The following BMX variants were observed in gnomAD, a reference collection of about 807,000 sequenced individuals.
BMX encodes cytoplasmic tyrosine-protein kinase BMX.
A neutral mutation model predicts 59.2 loss-of-function variants in BMX; 31 were observed. The ratio of observed to expected loss-of-function variants is 0.52; its 90% CI spans 0.39 to 0.71. BMX has a LOEUF of 0.71. BMX is among the 30% of genes least tolerant of loss of function. The pLI, the probability that BMX is intolerant of heterozygous loss-of-function variation, is 0.00. For synonymous variants in BMX, 185 were observed against 181.0 expected, an observed-to-expected ratio of 1.02 and a Z score of -0.18; for missense variants, 474 against 491.7, an observed-to-expected ratio of 0.96 and a Z score of 0.34.
At chrX:15,548,493 T>C (rs1490915235) in intron 17 of BMX, among the ~76,000 whole-genome samples, 1 of 111,869 alleles carries the variant, frequency 8.9e-6, no homozygotes, top group African/African-American at 3.3e-5. Context: ...CATGCATCAA[T>C]TATAAGTGAT....
intron 2 of BMX, among the ~76,000 whole-genome samples, chrX:15,508,855 G>T (rs1042716682): frequency 2.7e-5 from 3 of 111,635 alleles, no homozygotes; most frequent in African/African-American, 9.8e-5. Flanking sequence ...CAAGAATGCA[G>T]CTAACCATCC....
chrX:15,549,817 G>C, intron 17 of BMX, 23 bp from the exon 18 acceptor site: 3 of 1,182,153 alleles, frequency 2.5e-6, no homozygotes, highest in Non-Finnish European at 3.4e-6. Flanking sequence ...TTTTTATCTG[G>C]GCCACCTCTT....
intron 4 of BMX, among the ~76,000 whole-genome samples, chrX:15,514,620 A>G (rs960971421): frequency 1.8e-5 from 2 of 112,291 alleles, no homozygotes; most frequent in Non-Finnish European, 3.8e-5. Context: ...CTTAAAATAT[A>G]CTAAGATCTT....
Position 15,537,260 on chromosome X carries a change from G to T in BMX, c.1349G>T (p.Gly450Val). The T allele has an allele frequency of 8.3e-7, 1 of 1,209,491 alleles. No individual in the cohort carries two copies. Among genetic ancestry groups the T allele is most frequent in the Non-Finnish European group, 1.1e-6 (1 of 894,783 alleles). Residue 450 changes from glycine to valine, a missense_variant, in exon 14 of 19, where the codon GGC (glycine) becomes GTC (valine). Gly to Val is a moderately radical substitution (Grantham distance 109, BLOSUM62 -3). Transcript: ENST00000348343. ...YDVAVKMIKE[G>V]SMSEDEFFQE... The stretch of plus-strand genomic sequence containing the variant: ...GTTGCTGTTAAGATGATCAAGGAGG[G>T]CTCCATGTCAGAAGATGAATTCTTT...
chrX:15,516,355 A>C, intron 5 of BMX, 124 bp downstream of exon 5: 1 of 926,295 alleles, frequency 1.1e-6, no homozygotes, highest in Non-Finnish European at 1.5e-6. Flanking sequence ...GCATCATGAA[A>C]ATTCAGCCTT....
chrX:15,556,011 T>C (rs1433995927), intron 18 of BMX, 62 bp from the exon 19 acceptor site: 1 of 1,042,289 alleles, frequency 9.6e-7, no homozygotes, highest in African/African-American at 1.9e-5. Context: ...ATTTTATATA[T>C]TTTATCATTG....
chrX:15,536,662 C>T (rs112060559), intron 13 of BMX, among the ~76,000 whole-genome samples: 1,401 of 110,563 alleles, frequency 0.013, 17 homozygotes, highest in African/African-American at 0.044. Context: ...TTATCAGACC[C>T]CATTATTAGC....
intron 12 of BMX, among the ~76,000 whole-genome samples, chrX:15,535,649 C>T (rs1374002896): frequency 9.0e-6 from 1 of 110,871 alleles, no homozygotes; most frequent in Non-Finnish European, 1.9e-5. Flanking sequence ...CTAATTTTTA[C>T]ATTTTAATTA....
At chrX:15,554,354 T>C (rs1323714894) in intron 18 of BMX, among the ~76,000 whole-genome samples, 1 of 111,892 alleles carries the variant, frequency 8.9e-6, no homozygotes, top group East Asian at 2.8e-4. Context: ...TATATATATC[T>C]TTCATTATGA....
At chrX:15,527,247 A>C (rs868258250) in intron 9 of BMX, among the ~76,000 whole-genome samples, 88 of 56,326 alleles carry the variant, frequency 1.6e-3, no homozygotes, top group Non-Finnish European at 2.2e-3. Flanking sequence ...CACACACACA[A>C]ATATATATAT....
At chrX:15,552,711 C>A (rs1926254283) in intron 18 of BMX, among the ~76,000 whole-genome samples, 2 of 112,089 alleles carry the variant, frequency 1.8e-5, no homozygotes, top group Non-Finnish European at 3.8e-5. Flanking sequence ...CTGGTAGGAG[C>A]TATGGTTTAA....
intron 6 of BMX, among the ~76,000 whole-genome samples, chrX:15,521,982 C>A (rs1924478183): frequency 9.0e-6 from 1 of 111,491 alleles, no homozygotes; most frequent in Non-Finnish European, 1.9e-5. Context: ...TAAAATAATT[C>A]TGCTATGAAC....
chrX:15,505,418 G>A (rs1320236317), intron 1 of BMX, among the ~76,000 whole-genome samples: 1 of 111,834 alleles, frequency 8.9e-6, no homozygotes, highest in Non-Finnish European at 1.9e-5. Flanking sequence ...CCTCAAAAAC[G>A]TGTGGCTTCA....
At chrX:15,533,320 T>C (rs1490679794) in intron 11 of BMX, among the ~76,000 whole-genome samples, 2 of 111,788 alleles carry the variant, frequency 1.8e-5, no homozygotes, top group African/African-American at 6.5e-5. Context: ...TCAATAGTTA[T>C]TTTTTCTGCT....
intron 6 of BMX, among the ~76,000 whole-genome samples, chrX:15,519,522 T>A (rs1328796300): frequency 9.0e-6 from 1 of 111,426 alleles, no homozygotes; most frequent in Non-Finnish European, 1.9e-5. Context: ...CACAGAGAGA[T>A]ACACAGAGGA....
At chrX:15,527,247 A>AT (rs1569224670) in intron 9 of BMX, among the ~76,000 whole-genome samples, 11 of 56,358 alleles carry the variant, frequency 2.0e-4, no homozygotes, top group African/African-American at 8.8e-4. Flanking sequence ...CACACACACA[A>AT]ATATATATAT....
intron 2 of BMX, 42 bp from the exon 3 acceptor site, chrX:15,509,287 A>G (rs775145355): frequency 2.0e-6 from 2 of 1,010,931 alleles, no homozygotes; most frequent in African/African-American, 4.3e-5. Context: ...GTGCACCATG[A>G]TGTATTGCAG....
At chrX:15,536,671 G>A (rs1339198785) in intron 13 of BMX, among the ~76,000 whole-genome samples, 1 of 109,975 alleles carries the variant, frequency 9.1e-6, no homozygotes, top group Non-Finnish European at 1.9e-5. Context: ...CCCATTATTA[G>A]CCTCCAGCAC....
intron 4 of BMX, among the ~76,000 whole-genome samples, chrX:15,515,556 G>C (rs1299664480): frequency 3.6e-5 from 4 of 111,487 alleles, no homozygotes; most frequent in Non-Finnish European, 7.5e-5. Flanking sequence ...TATGTACAGA[G>C]AGAAAGAGAT....
Sources: allele counts gnomAD v4.1 joint callset (sites outside exome capture counted in the v4.1 genomes callset), GRCh38; gene constraint gnomAD v4.1.1; transcripts MANE v1.5; gene names NCBI Gene and HGNC (gene_info 2026-07-23, HGNC 2026-07-21).